LAMP3: variants seen among roughly 807,000 people sequenced by gnomAD.
The protein encoded by LAMP3 is lysosome associated membrane protein 3.
LAMP3 carries 26 observed loss-of-function variants against 34.8 expected under a neutral mutation model. The ratio of observed to expected loss-of-function variants is 0.75; its 90% confidence interval spans 0.55 to 1.04. LAMP3 has a LOEUF of 1.04. Ranked by LOEUF, LAMP3 falls within the 50% of genes least tolerant of loss-of-function variation. The pLI is 0.00. For synonymous variants in LAMP3, 180 were observed against 201.9 expected (o/e 0.89, Z 0.92); for missense variants, 495 against 524.0 (o/e 0.94, Z 0.54).
chr3:183,152,379 G>T lies in LAMP3; in HGVS notation c.884C>A (p.Thr295Asn). 6.2e-7 allele frequency: 1 copy of T among 1,609,422 alleles called. No homozygotes were observed. Among genetic ancestry groups the T allele is most frequent in the South Asian group, 1.1e-5 (1 of 90,360 alleles). The change falls in exon 3 of 6, where the codon ACC (threonine) becomes AAC (asparagine). Residue 295 changes from threonine (T) to asparagine (N), a missense_variant. By Grantham distance (65) the Thr-to-Asn change is moderately conservative (BLOSUM62 0). Transcript: ENST00000265598. ...FQGGFVNLTF[T>N]KDEESYYISE... ...GCAAAGGAGCTCAGGCCTCACCTTG[G>T]TAAATGTGAGATTCACAAATCCGCC...
At chr3:183,135,953 G>C (rs1374652482) in intron 4 of LAMP3, 66 bp from the exon 5 acceptor site, 2 of 1,320,658 alleles carry the variant, frequency 1.5e-6, no homozygotes, top group Non-Finnish European at 2.2e-6. Flanking sequence ...AGCTGTGGCC[G>C]GGCTGCCTGT....
rs1179221445 is a variant in LAMP3 at position 183,123,782 on chromosome 3, C to T, written c.*299G>A. 6.1e-6 allele frequency: 2 copies of T among 326,808 alleles called. No homozygotes were observed. Among genetic ancestry groups the T allele is most frequent in the South Asian group, 3.1e-5 (1 of 32,474 alleles). The allele number at this position is 326,808 out of a possible 1,614,324, so 20.2% of individuals were successfully genotyped here. ...GTTTATAATTTGAAGGCTTATTCTA[C>T]TTTACATATATTATGTTAATTCAAC... On this transcript the variant is annotated 3_prime_UTR_variant, in exon 6 of 6. Transcript: ENST00000265598.
chr3:183,149,319 A>G lies in LAMP3; in HGVS notation c.888+3056T>C, dbSNP rs372020827. On this transcript the variant is annotated intron_variant, in intron 3 of 5. Coordinates refer to ENST00000265598, the MANE Select transcript of LAMP3 (RefSeq NM_014398.4). ...CACTTTGGGAGGCTCAGGGGGGCGG[A>G]TCACGAGGTCAAGAGATCGAGACCA... is the stretch of plus-strand genomic sequence containing the variant. Among the ~76,000 whole-genome samples, 418 of 151,876 alleles carry G rather than the reference A, an allele frequency of 2.8e-3. 4 individuals are homozygous for G. The highest frequency in any genetic ancestry group is 9.5e-3 in the African/African-American group (394 of 41,386).
chr3:183,138,859 C>T (rs73056043), intron 4 of LAMP3, among the ~76,000 whole-genome samples: 9,661 of 152,172 alleles, frequency 0.063, 930 homozygotes, highest in African/African-American at 0.21. Context: ...GGCACACTGG[C>T]ACTCTGCAGG....
At chr3:183,138,167 C>A (rs1048864077) in intron 4 of LAMP3, among the ~76,000 whole-genome samples, 1 of 152,140 alleles carries the variant, frequency 6.6e-6, no homozygotes, top group Non-Finnish European at 1.5e-5. Context: ...TGGCTAAAAT[C>A]TGGTCCATAT....
intron 3 of LAMP3, among the ~76,000 whole-genome samples, chr3:183,148,692 T>C (rs1720520293): frequency 1.3e-5 from 2 of 152,120 alleles, no homozygotes; most frequent in African/African-American, 4.8e-5. Context: ...AGATAGGCAA[T>C]AACAAATGCT....
intron 5 of LAMP3, among the ~76,000 whole-genome samples, chr3:183,131,727 G>C (rs1254005525): frequency 6.6e-6 from 1 of 152,098 alleles, no homozygotes; most frequent in Non-Finnish European, 1.5e-5. Flanking sequence ...TAAATGTCAT[G>C]TTAAAAATAA....
In LAMP3 at chr3:183,154,223, A is replaced by T. The variant is rs746944267; in HGVS notation, c.218T>A (p.Ile73Asn). ...TACTGTGGCCGCTGTTTGAAAGGTG[A>T]TATGACCATCCATGAATCTTGCTGC... Reference protein sequence around the residue: ...TLAARFMDGHITFQTAATVKI... With the variant: ...TLAARFMDGHNTFQTAATVKI... Residue 73 changes from isoleucine to asparagine, a missense_variant, in exon 2 of 6, where the codon ATC becomes AAC. Coordinates refer to ENST00000265598, the MANE Select transcript of LAMP3 (RefSeq NM_014398.4). The T allele has an allele frequency of 6.2e-7, 1 of 1,613,994 alleles. No homozygotes were observed. The highest frequency in any genetic ancestry group is 8.5e-7 in the Non-Finnish European group (1 of 1,180,008).
intron 5 of LAMP3, chr3:183,133,087 C>T: frequency 4.1e-6 from 1 of 242,012 alleles, no homozygotes; most frequent in South Asian, 1.5e-4. Flanking sequence ...GCTCAGACAA[C>T]AGTGGGTGAA....
chr3:183,148,997 T>A (rs1329134004), intron 3 of LAMP3, among the ~76,000 whole-genome samples: 1 of 151,992 alleles, frequency 6.6e-6, no homozygotes, highest in Non-Finnish European at 1.5e-5. Context: ...CACAATAGAG[T>A]ACTATTCAGC....
intron 5 of LAMP3, chr3:183,132,145 A>G: frequency 1.0e-6 from 1 of 985,392 alleles, no homozygotes; most frequent in South Asian, 4.7e-5. Flanking sequence ...CATGAAATTG[A>G]AGCAACTGAA....
At chr3:183,136,792 T>C (rs1047234294) in intron 4 of LAMP3, among the ~76,000 whole-genome samples, 2 of 152,056 alleles carry the variant, frequency 1.3e-5, no homozygotes, top group East Asian at 3.9e-4. Flanking sequence ...CCCTCTCTTA[T>C]GAAAGGTACA....
chr3:183,123,801 A>T lies in LAMP3; in HGVS notation c.*280T>A. ...ATTCTACTTTACATATATTATGTTA[A>T]TTCAACATATCTCAAATGTTGACTT... On this transcript the variant is annotated 3_prime_UTR_variant, in exon 6 of 6. Coordinates refer to ENST00000265598, the MANE Select transcript of LAMP3 (RefSeq NM_014398.4). The T allele has an allele frequency of 2.6e-6, 1 of 379,088 alleles. No homozygotes were observed. Among genetic ancestry groups the T allele is most frequent in the Non-Finnish European group, 4.8e-6 (1 of 206,842 alleles). 23.5% of individuals were successfully genotyped at this position (379,088 alleles called of 1,614,324 possible).
chr3:183,140,693 G>A (rs1249060183), intron 3 of LAMP3, 98 bp from the exon 4 acceptor site: 2 of 795,608 alleles, frequency 2.5e-6, no homozygotes, highest in East Asian at 2.5e-5. Context: ...TATTAAATCT[G>A]GATATAAGGG....
At chr3:183,144,569 G>T (rs1177192804) in intron 3 of LAMP3, among the ~76,000 whole-genome samples, 8 of 152,176 alleles carry the variant, frequency 5.3e-5, no homozygotes, top group Non-Finnish European at 1.0e-4. Context: ...GGGAAAAAGA[G>T]CATGGAAAGT....
intron 3 of LAMP3, among the ~76,000 whole-genome samples, chr3:183,151,294 G>A (rs1269216384): frequency 6.6e-6 from 1 of 152,192 alleles, no homozygotes; most frequent in African/African-American, 2.4e-5. Flanking sequence ...AGGCAAGCGG[G>A]GGCAAGTCTC....
chr3:183,153,426 T>G (rs6414498), intron 2 of LAMP3, among the ~76,000 whole-genome samples: 137,182 of 152,146 alleles, frequency 0.9, 61,866 homozygotes, highest in Middle Eastern at 0.92. Context: ...ACTCTGCCCA[T>G]GTTGGCTAAA....
At chr3:183,132,659 C>T (rs1719960725) in intron 5 of LAMP3, 1 of 985,370 alleles carries the variant, frequency 1.0e-6, no homozygotes, top group Non-Finnish European at 1.2e-6. Context: ...GTGCTGTTTC[C>T]CAGCACTGCG....
At position 183,146,091 on chromosome 3, in the gene LAMP3, G is replaced by A. The variant is rs116833097; in HGVS notation, c.889-5496C>T. 7.0e-3 allele frequency among the ~76,000 whole-genome samples: 1,058 copies of A among 152,140 alleles called. 10 individuals are homozygous for A. Among genetic ancestry groups the A allele is most frequent in the South Asian group, 0.044 (214 of 4,820 alleles). ...AATGAATAAACTCACATTTTCTAAG[G>A]TTCTCTTTTTCTCTAGAGCTGTGGT... On this transcript the variant is annotated intron_variant, in intron 3 of 5. Transcript: ENST00000265598.
Sources: gnomAD v4.1 joint callset for allele counts (sites outside exome capture counted in the v4.1 genomes callset) on GRCh38, gnomAD v4.1.1 for gene constraint, MANE v1.5 for transcripts, NCBI Gene and HGNC (gene_info 2026-07-23, HGNC 2026-07-21) for gene names.